The following TJP2 variants were observed in gnomAD, a reference collection of about 807,000 sequenced individuals.
The protein encoded by TJP2 is Friedreich ataxia region gene X104 (tight junction protein ZO-2).
In TJP2, 91 loss-of-function variants were observed where a neutral mutation model predicts 133.1. That is an observed-to-expected ratio of 0.68 (90% CI 0.58 to 0.81). The LOEUF (loss-of-function observed/expected upper bound fraction) is 0.81. Ranked by LOEUF, TJP2 falls within the 40% of genes least tolerant of loss-of-function variation. TJP2 has a pLI of 0.00. For synonymous variants in TJP2, 592 were observed against 583.4 expected (o/e 1.01, Z -0.21); for missense variants, 1,541 against 1,565.6 (o/e 0.98, Z 0.26).
At position 69,236,170 on chromosome 9, in the gene TJP2, G is replaced by C. The variant is rs530082663; in HGVS notation, c.1923G>C (p.Lys641Asn). 2.5e-5 allele frequency: 40 copies of C among 1,614,204 alleles called. No individual in the cohort carries two copies. The South Asian group carries it at 4.4e-4, about 18-fold the overall frequency. ...TGGTAGACACACTGTATGACGGCAA[G>C]CTGGGCAACTGGCTGGCTGTGAGGA... ...FRVVDTLYDGKLGNWLAVRIG... is the reference protein window; with the variant it reads ...FRVVDTLYDGNLGNWLAVRIG... Residue 641 changes from lysine to asparagine, a missense_variant, in exon 13 of 23, where the codon AAG (lysine) becomes AAC (asparagine). Coordinates refer to ENST00000377245, the MANE Select transcript of TJP2 (RefSeq NM_004817.4).
intron 2 of TJP2, chr9:69,151,889 A>T (rs1160807585): frequency 2.0e-6 from 2 of 1,020,528 alleles, no homozygotes; most frequent in South Asian, 5.1e-5. Flanking sequence ...GATGTTGCTG[A>T]TATATACATT....
intron 2 of TJP2, among the ~76,000 whole-genome samples, chr9:69,213,251 CG>C (rs1303239387): frequency 1.3e-5 from 2 of 151,960 alleles, no homozygotes; most frequent in African/African-American, 2.4e-5. Context: ...TTAATAGAGA[CG>C]GGGTTTCTCC....
intron 1 of TJP2, among the ~76,000 whole-genome samples, chr9:69,202,881 A>T (rs1383348666): frequency 6.6e-6 from 1 of 152,202 alleles, no homozygotes; most frequent in Non-Finnish European, 1.5e-5. Flanking sequence ...GGCCAACTGT[A>T]CTTAGAAATG....
intron 1 of TJP2, chr9:69,204,925 A>G: frequency 8.0e-7 from 1 of 1,250,706 alleles, no homozygotes; most frequent in Admixed American, 3.9e-5. Context: ...GAGGGAGAGA[A>G]AGAAAGCTGT....
Position 69,226,036 on chromosome 9 carries a change from A to G in TJP2, c.1071A>G (p.Val357=). The G allele has an allele frequency of 6.2e-7, 1 of 1,614,178 alleles. No homozygotes were observed. Among genetic ancestry groups the G allele is most frequent in the Non-Finnish European group, 8.5e-7 (1 of 1,180,008 alleles). ...TATAAACACAGATCAATGGGACTGTAACTGAGAACATGTCTTTAACGGATG... is the reference window on the plus strand; with the variant it reads ...TATAAACACAGATCAATGGGACTGTGACTGAGAACATGTCTTTAACGGATG... The part of the protein sequence containing the change: ...GDIILKINGT[V]TENMSLTDAR... The change falls in exon 7 of 23, where the codon GTA becomes GTG. Residue 357 remains valine (V), a synonymous_variant. Coordinates refer to ENST00000377245, the MANE Select transcript of TJP2 (RefSeq NM_004817.4).
intron 17 of TJP2, chr9:69,246,455 A>T: frequency 2.0e-6 from 1 of 499,360 alleles, no homozygotes; most frequent in Non-Finnish European, 3.6e-6. Flanking sequence ...ACATTCTAAA[A>T]ATCTATTTTT....
intron 1 of TJP2, among the ~76,000 whole-genome samples, chr9:69,122,717 A>G (rs1265621309): frequency 6.6e-6 from 1 of 152,160 alleles, no homozygotes; most frequent in East Asian, 1.9e-4. Flanking sequence ...TTTCTGCGCA[A>G]CTGAGTATCT....
chr9:69,252,871 G>A lies in TJP2; in HGVS notation c.3378G>A (p.Lys1126=), dbSNP rs1831442142. ...ATGCAGTTCCAATCAAAACGCACAA[G>A]CCAGACCCTGGCACGCCCCAGCACA... The part of the protein sequence containing the change: ...DIYAVPIKTH[K]PDPGTPQHTS... The change falls in exon 22 of 23, where the codon AAG becomes AAA. Residue 1126 remains lysine (K), a synonymous_variant. Transcript: ENST00000377245. 1 of 1,614,156 alleles carries A rather than the reference G, an allele frequency of 6.2e-7. No homozygotes were observed. Among genetic ancestry groups the A allele is most frequent in the Middle Eastern group, 1.6e-4 (1 of 6,062 alleles).
rs966338425 is a variant in TJP2 at position 69,145,744 on chromosome 9, T to C, written c.-130-5907T>C. On this transcript the variant is annotated intron_variant, in intron 1 of 5. Transcript: ENST00000423935. ...TATATCGGTATTCTGGAAGCAGCAGTTGGTATTACCCCACTTAACAAAAGA... is the reference window on the plus strand; with the variant it reads ...TATATCGGTATTCTGGAAGCAGCAGCTGGTATTACCCCACTTAACAAAAGA... 2.4e-6 allele frequency: 3 copies of C among 1,231,768 alleles called. No homozygotes were observed. In the Admixed American group the frequency reaches 1.3e-4, roughly 52 times the overall value. The allele number at this position is 1,231,768 out of a possible 1,614,324, so 76.3% of individuals were successfully genotyped here.
intron 1 of TJP2, chr9:69,145,787 C>G (rs901343471): frequency 1.6e-6 from 2 of 1,232,022 alleles, no homozygotes; most frequent in Non-Finnish European, 2.0e-6. Context: ...TACCTGAGAG[C>G]AGAAGACACG....
intron 1 of TJP2, chr9:69,151,529 G>A: frequency 1.0e-6 from 1 of 964,608 alleles, no homozygotes; most frequent in Non-Finnish European, 1.3e-6. Context: ...CTCTGTGAAG[G>A]TACTAAAAGC....
intron 1 of TJP2, among the ~76,000 whole-genome samples, chr9:69,206,053 CCTTA>C (rs1362508887): frequency 6.6e-6 from 1 of 152,022 alleles, no homozygotes; most frequent in Non-Finnish European, 1.5e-5. Context: ...CACACAAAAA[CCTTA>C]CTGTTAATGC....
rs969006550 is a variant in TJP2 at position 69,221,450 on chromosome 9, G to A, written c.906G>A (p.Arg302=). ...SRSPSPEPRG[R]PGPIGVLLMK... ...GCCCCAGCCCCGAGCCTAGGGGGCG[G>A]CCGGGGCCCATCGGGGTCCTCCTGA... Residue 302 remains arginine (R), a synonymous_variant, in exon 5 of 23, where the codon CGG becomes CGA. Coordinates refer to ENST00000377245, the MANE Select transcript of TJP2 (RefSeq NM_004817.4). The A allele has an allele frequency of 1.3e-6, 2 of 1,596,096 alleles. No individual in the cohort carries two copies.
upstream of TJP2, among the ~76,000 whole-genome samples, chr9:69,169,643 AGCCACC>A (rs1354281960): frequency 3.0e-4 from 45 of 152,296 alleles, no homozygotes; most frequent in African/African-American, 1.1e-3. Context: ...TACAGGCGTG[AGCCACC>A]GTACCCGGCT....
At chr9:69,171,683 C>G (rs1399170970), upstream of TJP2, among the ~76,000 whole-genome samples, 1 of 151,466 alleles carries the variant, frequency 6.6e-6, no homozygotes, top group Non-Finnish European at 1.5e-5. Flanking sequence ...TTTATCATTA[C>G]TTGTTGATTG....
At chr9:69,122,846 C>G (rs1287860717) in intron 1 of TJP2, among the ~76,000 whole-genome samples, 2 of 152,132 alleles carry the variant, frequency 1.3e-5, no homozygotes, top group East Asian at 3.9e-4. Flanking sequence ...CAAACGTGGT[C>G]GGTAGGTAAG....
intron 1 of TJP2, among the ~76,000 whole-genome samples, chr9:69,148,918 A>C (rs1823342244): frequency 6.6e-6 from 1 of 152,244 alleles, no homozygotes; most frequent in Non-Finnish European, 1.5e-5. Context: ...ATGGAGAAAG[A>C]TAGAATAAAA....
chr9:69,160,591 C>T (rs550569040), intron 2 of TJP2, among the ~76,000 whole-genome samples: 65 of 152,274 alleles, frequency 4.3e-4, no homozygotes, highest in African/African-American at 1.5e-3. Context: ...TAAAATCACA[C>T]GATTCACTCA....
chr9:69,142,220 C>T (rs930117440), intron 1 of TJP2, among the ~76,000 whole-genome samples: 22 of 152,088 alleles, frequency 1.4e-4, no homozygotes, highest in African/African-American at 3.4e-4. Flanking sequence ...AGGATTGGAA[C>T]GATAAATTTG....
Sources: allele counts gnomAD v4.1 joint callset (sites outside exome capture counted in the v4.1 genomes callset), GRCh38; gene constraint gnomAD v4.1.1; transcripts MANE v1.5; gene names NCBI Gene and HGNC (gene_info 2026-07-23, HGNC 2026-07-21).